SRRM4: variants seen among roughly 807,000 people sequenced by gnomAD.
The protein encoded by SRRM4 is serine/arginine repetitive matrix 4, also known as serine/arginine repetitive matrix protein 4.
In SRRM4, 33 loss-of-function variants were observed where a neutral mutation model predicts 68.9. The ratio of observed to expected loss-of-function variants is 0.48; its 90% CI spans 0.36 to 0.64. The LOEUF (loss-of-function observed/expected upper bound fraction) is 0.64, where lower values mean the gene tolerates loss of function less well. SRRM4 is among the 30% of genes least tolerant of loss of function. The pLI, the probability that SRRM4 is intolerant of heterozygous loss-of-function variation, is 0.00. For missense variants in SRRM4, 817 were observed against 827.1 expected, an observed-to-expected ratio of 0.99 and a Z score of 0.15; for synonymous variants, 318 against 318.8, an observed-to-expected ratio of 1.00 and a Z score of 0.03.
At chr12:119,001,184 CT>C (rs1953381743) in intron 1 of SRRM4, 1 of 152,212 alleles carries the variant, frequency 6.6e-6, no homozygotes, top group African/African-American at 2.4e-5. Flanking sequence ...GGGACCCACC[CT>C]TATGGCATGA....
intron 1 of SRRM4, among the ~76,000 whole-genome samples, chr12:119,033,872 A>G (rs1299712228): frequency 1.3e-5 from 2 of 152,226 alleles, no homozygotes; most frequent in African/African-American, 2.4e-5. Context: ...CAATATGTTC[A>G]AAGTTGGCTA....
chr12:119,120,250 G>A lies in SRRM4; in HGVS notation c.438G>A (p.Arg146=), dbSNP rs370701689. 1.3e-5 allele frequency: 20 copies of A among 1,539,402 alleles called. No homozygotes were observed. The highest frequency in any genetic ancestry group is 2.8e-5 in the African/African-American group (2 of 70,734). Residue 146 remains arginine, a splice_region_variant and synonymous_variant, in exon 5 of 13, where the codon AGG becomes AGA. Transcript: ENST00000267260. ...KKSSKKHKRR[R]SFSKKRRHSS... Reference sequence around the variant, plus strand: ...ATTTTTTTTCTTTCTTTCTTTTCAGGTCATTCTCCAAGAAGAGAAGGCACA... The same window carrying A: ...ATTTTTTTTCTTTCTTTCTTTTCAGATCATTCTCCAAGAAGAGAAGGCACA...
chr12:119,020,484 G>A (rs759569258), intron 1 of SRRM4, among the ~76,000 whole-genome samples: 9 of 152,176 alleles, frequency 5.9e-5, no homozygotes, highest in Non-Finnish European at 1.3e-4. Context: ...CAGTGGCCCC[G>A]GGCAGGGAGG....
intron 1 of SRRM4, among the ~76,000 whole-genome samples, chr12:119,056,691 C>T (rs1243648597): frequency 1.3e-5 from 2 of 152,138 alleles, no homozygotes; most frequent in Non-Finnish European, 2.9e-5. Flanking sequence ...TGTTCTCACT[C>T]GGCCTTCTTT....
rs1392717308 is a variant in SRRM4, at chr12:119,154,982, A to T, written c.1532+599A>T. On this transcript the variant is annotated intron_variant, in intron 12 of 12. Transcript: ENST00000267260. This position sits in a 1 kb window ranked among gnomAD's most constrained non-coding sequence, Gnocchi z 4.7. ...TGGAATCCTGAATGTACCACTTTGCAGGTGACCTAGGAAAGGCTCTTACCT... is the reference window on the plus strand; with the variant it reads ...TGGAATCCTGAATGTACCACTTTGCTGGTGACCTAGGAAAGGCTCTTACCT... Among the ~76,000 whole-genome samples the T allele has an allele frequency of 6.6e-6, 1 of 152,228 alleles. No homozygotes were observed. Among genetic ancestry groups the T allele is most frequent in the East Asian group, 1.9e-4 (1 of 5,194 alleles).
At chr12:119,125,626 G>A in intron 7 of SRRM4, 147 bp downstream of exon 7, 1 of 690,250 alleles carries the variant, frequency 1.4e-6, no homozygotes, top group Non-Finnish European at 2.4e-6. Context: ...TCCCTGTAGA[G>A]AAAGGGCTGG....
chr12:119,070,549 T>G (rs1479423879), intron 1 of SRRM4, among the ~76,000 whole-genome samples: 1 of 152,076 alleles, frequency 6.6e-6, no homozygotes, highest in African/African-American at 2.4e-5. Flanking sequence ...AGCTCTATTT[T>G]TATCTGTCTA....
At chr12:119,089,422 T>A (rs946215491) in intron 1 of SRRM4, among the ~76,000 whole-genome samples, 1 of 152,202 alleles carries the variant, frequency 6.6e-6, no homozygotes, top group Non-Finnish European at 1.5e-5. Flanking sequence ...TCAGAATCAC[T>A]GTGGAGGAGG....
At chr12:119,152,463 C>G (rs1954445925) in intron 10 of SRRM4, among the ~76,000 whole-genome samples, 1 of 151,950 alleles carries the variant, frequency 6.6e-6, no homozygotes, top group Non-Finnish European at 1.5e-5. Flanking sequence ...CCCTGACAGA[C>G]AAAGCAAAGA....
rs1185496603 is a variant in SRRM4, at chr12:119,160,277, GTCTCTC to G, written c.*3485_*3490del. On this transcript the variant is annotated 3_prime_UTR_variant, in exon 13 of 13. Transcript: ENST00000267260. Reference sequence around the variant, plus strand: ...TCTCTCTCTCTCTGTCTCTCTCTCTGTCTCTCTCTCTGTCTCTCTCTCTCTCTCTCT... The same window carrying G: ...TCTCTCTCTCTCTGTCTCTCTCTCTGTCTCTGTCTCTCTCTCTCTCTCTCT... 1 of 131,018 alleles carries G rather than the reference GTCTCTC, an allele frequency of 7.6e-6. No homozygotes were observed. The highest frequency in any genetic ancestry group is 2.7e-4 in the South Asian group (1 of 3,644). The allele number at this position is 131,018 out of a possible 1,614,324, so 8.1% of individuals were successfully genotyped here. A position where few individuals can be genotyped will look rare whatever the true frequency, so the allele number is the denominator to read the frequency against.
chr12:119,101,731 A>G (rs967481242), intron 1 of SRRM4, among the ~76,000 whole-genome samples: 3 of 152,132 alleles, frequency 2.0e-5, no homozygotes, highest in Non-Finnish European at 4.4e-5. Context: ...AATAAGGCAG[A>G]GAAATGGAAT....
intron 2 of SRRM4, among the ~76,000 whole-genome samples, chr12:119,106,596 T>C (rs558820196): frequency 3.8e-4 from 58 of 152,348 alleles, no homozygotes; most frequent in Non-Finnish European, 6.6e-4. Context: ...TCACTCATGA[T>C]TTGGCTCTCT....
chr12:119,118,369 GT>G (rs1954194767), intron 4 of SRRM4, among the ~76,000 whole-genome samples: 1 of 152,270 alleles, frequency 6.6e-6, no homozygotes, highest in South Asian at 2.1e-4. Context: ...GTAAGAGGTT[GT>G]TTGGGGCTTC....
At chr12:119,118,134 T>G (rs1954193174) in intron 4 of SRRM4, among the ~76,000 whole-genome samples, 1 of 152,166 alleles carries the variant, frequency 6.6e-6, no homozygotes, top group Admixed American at 6.5e-5. Context: ...GACAGAGTGC[T>G]CCAGTTGGCC....
At chr12:119,119,264 G>T (rs766592887) in intron 4 of SRRM4, among the ~76,000 whole-genome samples, 3 of 151,842 alleles carry the variant, frequency 2.0e-5, no homozygotes, top group African/African-American at 4.8e-5. Flanking sequence ...TTTAAAAAAT[G>T]ATTTTTCACA....
At chr12:119,126,014 C>CTTTTTTTTTT (rs34680171) in intron 7 of SRRM4, among the ~76,000 whole-genome samples, 3 of 71,134 alleles carry the variant, frequency 4.2e-5, no homozygotes, top group African/African-American at 1.7e-4. Flanking sequence ...ATACTAGCTG[C>CTTTTTTTTTT]TTTTTTTTTT....
intron 1 of SRRM4, among the ~76,000 whole-genome samples, chr12:119,032,187 C>T (rs1285143989): frequency 6.6e-6 from 1 of 151,956 alleles, no homozygotes; most frequent in Non-Finnish European, 1.5e-5. Context: ...ATGAAGCGTC[C>T]CCTCCCAAGA....
At chr12:119,135,257 C>T (rs1954320961) in intron 8 of SRRM4, among the ~76,000 whole-genome samples, 1 of 152,092 alleles carries the variant, frequency 6.6e-6, no homozygotes, top group African/African-American at 2.4e-5. Flanking sequence ...ATATGGGGCT[C>T]TCTATCAAGT....
At chr12:119,016,126 G>T (rs1427057410) in intron 1 of SRRM4, among the ~76,000 whole-genome samples, 1 of 152,172 alleles carries the variant, frequency 6.6e-6, no homozygotes, top group East Asian at 1.9e-4. Context: ...TTGGAATGAT[G>T]CTGCCACAAA....
Sources: gnomAD v4.1 joint callset for allele counts (sites outside exome capture counted in the v4.1 genomes callset) on GRCh38, gnomAD v4.1.1 for gene constraint, Gnocchi (gnomAD v3.1) non-coding constraint, MANE v1.5 for transcripts, NCBI Gene and HGNC (gene_info 2026-07-23, HGNC 2026-07-21) for gene names.